The following CCDC148 variants were observed in gnomAD, a reference collection of about 807,000 sequenced individuals.
CCDC148 encodes the protein coiled-coil domain containing 148.
CCDC148 carries 89 observed loss-of-function variants against 85.7 expected under a neutral mutation model. The observed-to-expected ratio is 1.04, with a 90% CI of 0.87 to 1.24. The LOEUF (loss-of-function observed/expected upper bound fraction) is 1.24. CCDC148 is among the 50% of genes most tolerant of loss of function. CCDC148 has a pLI of 0.00. For synonymous variants in CCDC148, 230 were observed against 213.9 expected, an observed-to-expected ratio of 1.08 and a Z score of -0.66; for missense variants, 692 against 671.7, an observed-to-expected ratio of 1.03 and a Z score of -0.33.
At chr2:158,364,097 T>C (rs1176429891) in intron 1 of CCDC148, among the ~76,000 whole-genome samples, 1 of 152,140 alleles carries the variant, frequency 6.6e-6, no homozygotes, top group Non-Finnish European at 1.5e-5. Flanking sequence ...GGAATACAAC[T>C]TACAAGTGAT....
chr2:158,416,456 C>T (rs965096143), intron 1 of CCDC148, among the ~76,000 whole-genome samples: 1 of 152,178 alleles, frequency 6.6e-6, no homozygotes, highest in African/African-American at 2.4e-5. Flanking sequence ...GAATGCTTTG[C>T]TGCTTAGAAA....
At chr2:158,351,452 C>A (rs375007609) in intron 2 of CCDC148, among the ~76,000 whole-genome samples, 1 of 74,178 alleles carries the variant, frequency 1.3e-5, no homozygotes, top group African/African-American at 5.0e-5. Context: ...AGTTCCCTTT[C>A]CGAGTCAAAG....
At chr2:158,220,569 C>T in intron 11 of CCDC148, 26 bp downstream of exon 11, 2 of 1,526,682 alleles carry the variant, frequency 1.3e-6, no homozygotes, top group Middle Eastern at 1.7e-4. Flanking sequence ...ACCTCCATTA[C>T]CACACAATTT....
intron 1 of CCDC148, among the ~76,000 whole-genome samples, chr2:158,419,600 G>C (rs948452410): frequency 1.3e-5 from 2 of 152,054 alleles, no homozygotes; most frequent in African/African-American, 4.8e-5. Context: ...GCTTGTTTTG[G>C]AGATTAGTAA....
intron 10 of CCDC148, among the ~76,000 whole-genome samples, chr2:158,228,177 C>T (rs183448139): frequency 8.2e-4 from 125 of 152,294 alleles, no homozygotes; most frequent in African/African-American, 2.8e-3. Flanking sequence ...CAAAATAAGA[C>T]ATTTATGCAG....
intron 9 of CCDC148, among the ~76,000 whole-genome samples, chr2:158,274,329 T>G (rs1559034225): frequency 6.6e-6 from 1 of 151,708 alleles, no homozygotes; most frequent in Non-Finnish European, 1.5e-5. Context: ...GTCCCTGAAT[T>G]TTTCCATTTT....
chr2:158,430,207 A>G (rs1232651168), intron 1 of CCDC148, among the ~76,000 whole-genome samples: 3 of 152,156 alleles, frequency 2.0e-5, no homozygotes, highest in South Asian at 2.1e-4. Flanking sequence ...AATCACCCCA[A>G]TCATTCACAG....
chr2:158,359,878 T>C (rs1196605037), intron 1 of CCDC148, among the ~76,000 whole-genome samples: 2 of 152,150 alleles, frequency 1.3e-5, no homozygotes, highest in Admixed American at 1.3e-4. Flanking sequence ...GTGATCTAGC[T>C]CTGTGGATCC....
rs558725008 is a variant in CCDC148, at chr2:158,402,945, T to A, written c.26-44375A>T. Reference sequence around the variant, plus strand: ...CATGTCTCTAAGGCTCCCAGTCCAGTGAATTAAACAATGTGGCTTCTTCAT... The same window carrying A: ...CATGTCTCTAAGGCTCCCAGTCCAGAGAATTAAACAATGTGGCTTCTTCAT... On this transcript the variant is annotated intron_variant, in intron 1 of 13. Coordinates refer to ENST00000283233, the MANE Select transcript of CCDC148 (RefSeq NM_138803.4). 1.7e-3 allele frequency among the ~76,000 whole-genome samples: 252 copies of A among 152,184 alleles called. 1 individual carries two copies. Among genetic ancestry groups the A allele is most frequent in the African/African-American group, 5.9e-3 (246 of 41,542 alleles).
At chr2:158,257,305 CT>C (rs1689050928) in intron 9 of CCDC148, among the ~76,000 whole-genome samples, 1 of 151,768 alleles carries the variant, frequency 6.6e-6, no homozygotes, top group Non-Finnish European at 1.5e-5. Context: ...AATCAAATCC[CT>C]TTCTCTGTCT....
intron 2 of CCDC148, among the ~76,000 whole-genome samples, chr2:158,357,251 CA>C (rs754084816): frequency 0.017 from 2,320 of 137,272 alleles, 29 homozygotes; most frequent in Middle Eastern, 0.086. Context: ...AAAAAGAAGA[CA>C]AAAAAAAATA....
rs1472160505 is a variant in CCDC148, at chr2:158,409,037, GTGAGT to G, written c.25+47373_25+47377del. ...CATAGGATTATTTGTGCTTTTGCTA[GTGAGT>G]TGAGTTGTTTGAATTTTATATATAG... On this transcript the variant is annotated intron_variant, in intron 1 of 13. Transcript: ENST00000283233. Among the ~76,000 whole-genome samples, 4 of 152,188 alleles carry G rather than the reference GTGAGT, an allele frequency of 2.6e-5. No individual in the cohort carries two copies. The South Asian group carries it at 6.2e-4, about 24-fold the overall frequency.
At chr2:158,260,715 C>A (rs1024394650) in intron 9 of CCDC148, among the ~76,000 whole-genome samples, 3 of 152,028 alleles carry the variant, frequency 2.0e-5, no homozygotes, top group Admixed American at 2.0e-4. Context: ...TTCTTATACA[C>A]CAACTACAGC....
intron 9 of CCDC148, among the ~76,000 whole-genome samples, chr2:158,285,572 C>T (rs1417802746): frequency 3.3e-5 from 5 of 151,314 alleles, no homozygotes; most frequent in Non-Finnish European, 7.4e-5. Flanking sequence ...GCTCTGTCGC[C>T]CAGGCTGGAG....
At chr2:158,326,654 T>G (rs1359600215) in intron 7 of CCDC148, among the ~76,000 whole-genome samples, 2 of 152,150 alleles carry the variant, frequency 1.3e-5, no homozygotes, top group African/African-American at 4.8e-5. Flanking sequence ...TTGCCAACAT[T>G]TTCCTGTTAC....
At chr2:158,345,982 ATACT>A (rs1304525507) in intron 2 of CCDC148, among the ~76,000 whole-genome samples, 28 of 152,244 alleles carry the variant, frequency 1.8e-4, no homozygotes, top group African/African-American at 6.5e-4. Context: ...TTATTTGAAG[ATACT>A]TAAAGAAATA....
intron 11 of CCDC148, among the ~76,000 whole-genome samples, chr2:158,216,659 A>G (rs1448518180): frequency 6.6e-6 from 1 of 152,126 alleles, no homozygotes; most frequent in East Asian, 1.9e-4. Context: ...GAACAACAGA[A>G]ATTTATTTTC....
At chr2:158,245,348 A>C (rs1214769253) in intron 10 of CCDC148, among the ~76,000 whole-genome samples, 2 of 152,204 alleles carry the variant, frequency 1.3e-5, no homozygotes, top group African/African-American at 4.8e-5. Context: ...TGTTACAAGA[A>C]GCTAAGAATT....
intron 1 of CCDC148, among the ~76,000 whole-genome samples, chr2:158,373,193 C>A (rs888708417): frequency 4.6e-5 from 7 of 151,826 alleles, no homozygotes; most frequent in African/African-American, 1.5e-4. Flanking sequence ...ATGCTTCTGG[C>A]GTTGAAGAAG....
Sources: gnomAD v4.1 joint callset for allele counts (sites outside exome capture counted in the v4.1 genomes callset) on GRCh38, gnomAD v4.1.1 for gene constraint, MANE v1.5 for transcripts, NCBI Gene and HGNC (gene_info 2026-07-23, HGNC 2026-07-21) for gene names.